Variants in MAP1S observed in about 807,000 individuals in gnomAD.
MAP1S encodes microtubule-associated protein 1S.
MAP1S carries 27 observed loss-of-function variants against 60.9 expected under a neutral mutation model. The observed-to-expected ratio is 0.44, with a 90% CI of 0.33 to 0.61. The LOEUF is 0.61. Among genes scored for constraint, MAP1S ranks in the 20% least tolerant of loss-of-function variants. MAP1S has a pLI of 0.03. For synonymous variants in MAP1S, 826 were observed against 694.2 expected, an observed-to-expected ratio of 1.19 and a Z score of -2.98; for missense variants, 1,608 against 1,486.6, an observed-to-expected ratio of 1.08 and a Z score of -1.34.
Position 17,727,367 on chromosome 19 carries a change from C to T in MAP1S, c.1983C>T (p.Gly661=), listed in dbSNP as rs377205479. The change falls in exon 5 of 7, where the codon GGC becomes GGT. Residue 661 remains glycine (G), a synonymous_variant. Transcript: ENST00000324096. The surrounding 1 kb of genome is among the most constrained non-coding windows in gnomAD (Gnocchi z 4.1). ...SERLSLSPLR[G]GEAGPDASPT... ...GGCTGTCGCTGAGCCCACTGCGGGG[C>T]GGGGAGGCCGGGCCAGACGCCTCAC... The T allele has an allele frequency of 1.9e-6, 3 of 1,585,722 alleles. No individual in the cohort carries two copies. The highest frequency in any genetic ancestry group is 2.7e-5 in the African/African-American group (2 of 74,230).
Position 17,727,567 on chromosome 19 carries a change from G to A in MAP1S, c.2183G>A (p.Arg728His), listed in dbSNP as rs1411272048. ...SLPLRGPRARRSASPHDVDLC... is the reference protein window; with the variant it reads ...SLPLRGPRARHSASPHDVDLC... ...CCGCTGCGTGGCCCCCGGGCGCGGC[G>A]CTCGGCTTCCCCACACGATGTGGAC... The change falls in exon 5 of 7, where the codon CGC (arginine) becomes CAC (histidine). Residue 728 changes from arginine (R) to histidine (H), a missense_variant. Arg to His is a conservative substitution (Grantham distance 29). Transcript: ENST00000324096. The surrounding 1 kb of genome is among the most constrained non-coding windows in gnomAD (Gnocchi z 4.1). 22 of 1,607,070 alleles carry A rather than the reference G, an allele frequency of 1.4e-5. No homozygotes were observed. The highest frequency in any genetic ancestry group is 1.6e-4 in the Middle Eastern group (1 of 6,070).
In MAP1S at chr19:17,720,328, G is replaced by A. The variant is rs79813703; in HGVS notation, c.119-608G>A. 7,943 of 1,500,854 alleles carry A rather than the reference G, an allele frequency of 5.3e-3. 357 individuals are homozygous for A. In the African/African-American group the frequency reaches 0.097, roughly 18 times the overall value. The allele number at this position is 1,500,854 out of a possible 1,614,324, so 93.0% of individuals were successfully genotyped here. A position where few individuals can be genotyped will look rare whatever the true frequency, so the allele number is the denominator to read the frequency against. ...CAGGAACACGCACCTCGGTTCATGT[G>A]CTTGAGGAGTGTTTAGTGAGCACCT... On this transcript the variant is annotated intron_variant, in intron 1 of 6. Coordinates refer to ENST00000324096, the MANE Select transcript of MAP1S (RefSeq NM_018174.6).
chr19:17,721,357 C>T (rs1455959403), intron 2 of MAP1S: 1 of 380,156 alleles, frequency 2.6e-6, no homozygotes, highest in East Asian at 6.6e-5. Flanking sequence ...GGGAAGGGCC[C>T]CAGTCAAGAC....
In MAP1S at chr19:17,719,558, T is replaced by G; in HGVS notation, c.56T>G (p.Val19Gly). The G allele has an allele frequency of 8.0e-7, 1 of 1,245,838 alleles. No homozygotes were observed. Among genetic ancestry groups the G allele is most frequent in the Non-Finnish European group, 1.0e-6 (1 of 987,440 alleles). The allele number at this position is 1,245,838 out of a possible 1,614,324, so 77.2% of individuals were successfully genotyped here. Residue 19 changes from valine (V) to glycine (G), a missense_variant, in exon 1 of 7, where the codon GTG (valine) becomes GGG (glycine). Val to Gly is a moderately radical substitution (Grantham distance 109). Around this residue, in one of 4 missense-constraint regions of MAP1S, gnomAD observed 320 missense variants for 393.1 expected, o/e 0.81. Transcript: ENST00000324096. ...GCGGCTCCGAGCTCACTGCTCCTCG[T>G]GGTGGGCAGCGAGTTCGGGAGCCCG... ...AAAAPSSLLL[V>G]VGSEFGSPGL...
intron 5 of MAP1S, among the ~76,000 whole-genome samples, chr19:17,729,498 G>A (rs1179283134): frequency 1.3e-5 from 2 of 152,066 alleles, no homozygotes; most frequent in Admixed American, 1.3e-4. Context: ...TCTCTGGCCT[G>A]CTGTGCTGTT....
chr19:17,727,439 G>A lies in MAP1S; in HGVS notation c.2055G>A (p.Glu685=). ...TGACCACGCCCTCACTACCCGCAGAGGTGGGCTCCCCGCACTCGACCGAGG... is the reference window on the plus strand; with the variant it reads ...TGACCACGCCCTCACTACCCGCAGAAGTGGGCTCCCCGCACTCGACCGAGG... ...PTVTTPSLPA[E]VGSPHSTEVD... is the part of the protein sequence containing the mutation. The change falls in exon 5 of 7, where the codon GAG becomes GAA. Residue 685 remains glutamate, a synonymous_variant. Transcript: ENST00000324096. This position sits in a 1 kb window ranked among gnomAD's most constrained non-coding sequence, Gnocchi z 4.1. The A allele has an allele frequency of 6.2e-7, 1 of 1,603,472 alleles. No individual in the cohort carries two copies. The highest frequency in any genetic ancestry group is 8.5e-7 in the Non-Finnish European group (1 of 1,175,606).
In MAP1S at chr19:17,727,448, C is replaced by A. The variant is rs1347315730; in HGVS notation, c.2064C>A (p.Ser688=). The change falls in exon 5 of 7, where the codon TCC becomes TCA. Residue 688 remains serine, a synonymous_variant. Coordinates refer to ENST00000324096, the MANE Select transcript of MAP1S (RefSeq NM_018174.6). This position sits in a 1 kb window ranked among gnomAD's most constrained non-coding sequence, Gnocchi z 4.1. ...TTPSLPAEVG[S]PHSTEVDESL... is the part of the protein sequence containing the mutation. ...CCTCACTACCCGCAGAGGTGGGCTC[C>A]CCGCACTCGACCGAGGTGGACGAGT... is the stretch of plus-strand genomic sequence containing the variant. The A allele has an allele frequency of 1.2e-6, 2 of 1,603,904 alleles. No individual in the cohort carries two copies. Among genetic ancestry groups the A allele is most frequent in the Non-Finnish European group, 1.7e-6 (2 of 1,175,882 alleles).
chr19:17,721,070 C>T (rs758592111), intron 2 of MAP1S, 33 bp downstream of exon 2: 2 of 1,568,974 alleles, frequency 1.3e-6, no homozygotes, highest in East Asian at 2.2e-5. Context: ...TGCTCCCTAC[C>T]TCTTGTTATT....
In MAP1S at chr19:17,728,024, A is replaced by G. The variant is rs2080458746; in HGVS notation, c.2640A>G (p.Pro880=). The stretch of plus-strand genomic sequence containing the variant: ...GCGCTGCCGCCCCCAAAGCCACTCC[A>G]GTGGCTGCTGCCAAAACCAAGGGGC... ...NSRAAAPKAT[P]VAAAKTKGLA... The change falls in exon 5 of 7, where the codon CCA becomes CCG. Residue 880 remains proline (P), a synonymous_variant. Coordinates refer to ENST00000324096, the MANE Select transcript of MAP1S (RefSeq NM_018174.6). The G allele has an allele frequency of 3.7e-6, 6 of 1,611,238 alleles. No individual in the cohort carries two copies. The highest frequency in any genetic ancestry group is 1.7e-4 in the Middle Eastern group (1 of 6,054).
Position 17,733,266 on chromosome 19 carries a change from G to T in MAP1S, c.2862G>T (p.Leu954=). 2 of 1,562,692 alleles carry T rather than the reference G, an allele frequency of 1.3e-6. No individual in the cohort carries two copies. Among genetic ancestry groups the T allele is most frequent in the Non-Finnish European group, 1.7e-6 (2 of 1,154,510 alleles). Residue 954 remains leucine (L), a synonymous_variant, in exon 6 of 7, where the codon CTG becomes CTT. Transcript: ENST00000324096. ...KSPVYLDLAY[L]PSGSSAHLVD... is the part of the protein sequence containing the mutation. ...CGGTCTACCTGGACCTGGCCTACCTGCCCAGCGGGAGCAGCGCCCACCTGG... is the reference window on the plus strand; with the variant it reads ...CGGTCTACCTGGACCTGGCCTACCTTCCCAGCGGGAGCAGCGCCCACCTGG...
In MAP1S at chr19:17,726,670, G is replaced by A. The variant is rs1238541535; in HGVS notation, c.1286G>A (p.Arg429His). 1 of 1,582,660 alleles carries A rather than the reference G, an allele frequency of 6.3e-7. No individual in the cohort carries two copies. The change falls in exon 5 of 7, where the codon CGC (arginine) becomes CAC (histidine). Residue 429 changes from arginine to histidine, a missense_variant. Around this residue, in one of 4 missense-constraint regions of MAP1S, gnomAD observed 1,167 missense variants for 961.4 expected, o/e 1.21. Coordinates refer to ENST00000324096, the MANE Select transcript of MAP1S (RefSeq NM_018174.6). ...HPAGPGEKVVRVLFPGCTPPA... is the reference protein window; with the variant it reads ...HPAGPGEKVVHVLFPGCTPPA... ...GCCGGCCCCGGCGAGAAGGTGGTGC[G>A]CGTGCTGTTCCCCGGTTGCACCCCG... is the stretch of plus-strand genomic sequence containing the variant.
rs568606847 is a variant in MAP1S, at chr19:17,728,000, C to T, written c.2616C>T (p.Arg872=). Residue 872 remains arginine, a synonymous_variant, in exon 5 of 7, where the codon CGC becomes CGT. Transcript: ENST00000324096. This position sits in a 1 kb window ranked among gnomAD's most constrained non-coding sequence, Gnocchi z 4.1. ...AGCCCCTGGCCCGCCCCAACTCACG[C>T]GCTGCCGCCCCCAAAGCCACTCCAG... is the stretch of plus-strand genomic sequence containing the variant. ...TRKPLARPNS[R]AAAPKATPVA... The T allele has an allele frequency of 6.0e-5, 97 of 1,611,046 alleles. No homozygotes were observed. The East Asian group carries it at 1.9e-3, about 31-fold the overall frequency.
chr19:17,720,002 A>T, intron 1 of MAP1S: 1 of 534,342 alleles, frequency 1.9e-6, no homozygotes, highest in Non-Finnish European at 2.4e-6. Flanking sequence ...TCCAGGTCTT[A>T]GCAGCTTAGA....
In MAP1S at chr19:17,734,463, C is replaced by A. The variant is rs745349163; in HGVS notation, c.*35C>A. 1.9e-6 allele frequency: 3 copies of A among 1,584,868 alleles called. No homozygotes were observed. The African/African-American group carries it at 4.0e-5, about 21-fold the overall frequency. ...CGACACGCCCCCCACTCAGCCCAGC[C>A]CGCCTGTCCCTAGATTCAGCCACAT... On this transcript the variant is annotated 3_prime_UTR_variant, in exon 7 of 7. Transcript: ENST00000324096.
chr19:17,726,680 C>A lies in MAP1S; in HGVS notation c.1296C>A (p.Phe432Leu). ...GCGAGAAGGTGGTGCGCGTGCTGTT[C>A]CCCGGTTGCACCCCGCCCGCCTGCC... ...GPGEKVVRVL[F>L]PGCTPPACLL... Residue 432 changes from phenylalanine (F) to leucine (L), a missense_variant, in exon 5 of 7, where the codon TTC (phenylalanine) becomes TTA (leucine). Transcript: ENST00000324096. 2 of 1,584,872 alleles carry A rather than the reference C, an allele frequency of 1.3e-6. No homozygotes were observed. The highest frequency in any genetic ancestry group is 1.7e-6 in the Non-Finnish European group (2 of 1,169,568).
chr19:17,720,428 C>G, intron 1 of MAP1S: 2 of 1,535,176 alleles, frequency 1.3e-6, no homozygotes, highest in Non-Finnish European at 1.7e-6. Flanking sequence ...CCTGCCAACA[C>G]AGGTCTGGTT....
Position 17,727,775 on chromosome 19 carries a change from G to A in MAP1S, c.2391G>A (p.Ser797=), listed in dbSNP as rs1188321238. Residue 797 remains serine, a synonymous_variant, in exon 5 of 7, where the codon TCG becomes TCA. Transcript: ENST00000324096. The surrounding 1 kb of genome is among the most constrained non-coding windows in gnomAD (Gnocchi z 4.1). ...AGTCCCTGCCCACCCTGTCTGACTCGGATCCCGTGCCCCTGGCCCCCGGTG... is the reference window on the plus strand; with the variant it reads ...AGTCCCTGCCCACCCTGTCTGACTCAGATCCCGTGCCCCTGGCCCCCGGTG... ...VSESLPTLSD[S]DPVPLAPGAA... The A allele has an allele frequency of 1.9e-6, 3 of 1,610,930 alleles. No individual in the cohort carries two copies. The highest frequency in any genetic ancestry group is 2.5e-6 in the Non-Finnish European group (3 of 1,178,736).
At chr19:17,720,755 C>T (rs2080363185) in intron 1 of MAP1S, 181 bp from the exon 2 acceptor site, 3 of 645,294 alleles carry the variant, frequency 4.6e-6, no homozygotes, top group South Asian at 1.8e-5. Flanking sequence ...ATGAGGTGTG[C>T]TCTGGGTCCC....
rs762993949 is a variant in MAP1S at position 17,733,372 on chromosome 19, C to T, written c.2968C>T (p.Arg990Trp). The part of the protein sequence containing the change: ...GQDQRKEEGM[R>W]AVLDALLASK... ...GGACCAGCGCAAGGAGGAAGGCATG[C>T]GGGCCGTCCTGGACGCGCTACTGGC... The change falls in exon 6 of 7, where the codon CGG becomes TGG. Residue 990 changes from arginine to tryptophan, a missense_variant. Arg to Trp is a moderately radical substitution (Grantham distance 101). Coordinates refer to ENST00000324096, the MANE Select transcript of MAP1S (RefSeq NM_018174.6). 6 of 1,611,156 alleles carry T rather than the reference C, an allele frequency of 3.7e-6. No homozygotes were observed. The highest frequency in any genetic ancestry group is 2.2e-5 in the East Asian group (1 of 44,808).
Sources: gnomAD v4.1 joint callset for allele counts (sites outside exome capture counted in the v4.1 genomes callset) on GRCh38, gnomAD v4.1.1 for gene constraint, gnomAD v4.1.1 regional missense constraint, Gnocchi (gnomAD v3.1) non-coding constraint, MANE v1.5 for transcripts, NCBI Gene and HGNC (gene_info 2026-07-23, HGNC 2026-07-21) for gene names.